Variants in FAM13A observed in about 807,000 individuals in gnomAD.
The protein encoded by FAM13A is protein FAM13A.
FAM13A carries 76 observed loss-of-function variants against 129.6 expected under a neutral mutation model. The ratio of observed to expected loss-of-function variants is 0.59; its 90% CI spans 0.49 to 0.71. FAM13A has a LOEUF of 0.71. Ranked by LOEUF, FAM13A falls within the 30% of genes least tolerant of loss-of-function variation. The pLI is 0.00. For synonymous variants in FAM13A, 443 were observed against 449.9 expected (o/e 0.98, Z 0.20); for missense variants, 1,108 against 1,249.3 (o/e 0.89, Z 1.70).
Position 88,816,371 on chromosome 4 carries a change from C to T in FAM13A, c.1008-11319G>A, listed in dbSNP as rs566828685. Among the ~76,000 whole-genome samples the T allele has an allele frequency of 3.3e-5, 5 of 152,212 alleles. No homozygotes were observed. The South Asian group carries it at 1.0e-3, about 32-fold the overall frequency. On this transcript the variant is annotated intron_variant, in intron 7 of 23. Transcript: ENST00000264344. ...TGCAATTTTTTAGTATAAGAATATTCCTAGCAATTTATATGGAAAGCTTTA... is the reference window on the plus strand; with the variant it reads ...TGCAATTTTTTAGTATAAGAATATTTCTAGCAATTTATATGGAAAGCTTTA...
chr4:88,983,306 T>C (rs987575773), intron 4 of FAM13A, among the ~76,000 whole-genome samples: 17 of 152,094 alleles, frequency 1.1e-4, no homozygotes, highest in African/African-American at 3.9e-4. Flanking sequence ...AGTGTGATTA[T>C]GATGGATAAA....
intron 1 of FAM13A, among the ~76,000 whole-genome samples, chr4:89,034,420 A>G (rs1560893835): frequency 1.3e-5 from 2 of 152,290 alleles, no homozygotes; most frequent in Non-Finnish European, 2.9e-5. Context: ...AAGTCAAAAA[A>G]CAACAGATGT....
chr4:88,799,650 A>C (rs1727017155), intron 8 of FAM13A, among the ~76,000 whole-genome samples: 1 of 152,120 alleles, frequency 6.6e-6, no homozygotes, highest in African/African-American at 2.4e-5. Flanking sequence ...ATGCACGGCT[A>C]ATTTTTTGTA....
chr4:88,919,717 A>T (rs1273819395), intron 5 of FAM13A, among the ~76,000 whole-genome samples: 1 of 152,192 alleles, frequency 6.6e-6, no homozygotes, highest in Non-Finnish European at 1.5e-5. Context: ...GGTGCAGCAC[A>T]CCATGCGCGA....
intron 4 of FAM13A, among the ~76,000 whole-genome samples, chr4:88,981,484 G>A (rs1761659884): frequency 6.6e-6 from 1 of 152,112 alleles, no homozygotes; most frequent in Non-Finnish European, 1.5e-5. Context: ...TATTCTTAAA[G>A]TATAAAATCT....
intron 6 of FAM13A, among the ~76,000 whole-genome samples, chr4:88,876,176 G>T (rs999105856): frequency 6.6e-5 from 10 of 152,098 alleles, no homozygotes; most frequent in African/African-American, 2.4e-4. Context: ...AGCATTAGGA[G>T]AAATACCTAA....
At chr4:88,845,962 C>T (rs1736575322) in intron 7 of FAM13A, among the ~76,000 whole-genome samples, 1 of 152,104 alleles carries the variant, frequency 6.6e-6, no homozygotes, top group African/African-American at 2.4e-5. Flanking sequence ...TAAGAACACA[C>T]CTGTAACATA....
intron 6 of FAM13A, among the ~76,000 whole-genome samples, chr4:88,899,840 C>A (rs1214826036): frequency 6.6e-6 from 1 of 152,014 alleles, no homozygotes; most frequent in Admixed American, 6.6e-5. Flanking sequence ...CTTCACTGAG[C>A]TAAAGGAGCA....
At chr4:88,795,861 AT>A (rs1434344841) in intron 8 of FAM13A, among the ~76,000 whole-genome samples, 1 of 151,806 alleles carries the variant, frequency 6.6e-6, no homozygotes, top group African/African-American at 2.4e-5. Flanking sequence ...TGCATGATGT[AT>A]TCTCTAATCT....
intron 7 of FAM13A, among the ~76,000 whole-genome samples, chr4:88,827,647 T>A (rs1172198009): frequency 6.6e-6 from 1 of 152,190 alleles, no homozygotes; most frequent in Non-Finnish European, 1.5e-5. Flanking sequence ...CCATGAGTCA[T>A]CTTTACTCCT....
chr4:88,750,932 G>C (rs1304650150), intron 14 of FAM13A, among the ~76,000 whole-genome samples: 1 of 152,166 alleles, frequency 6.6e-6, no homozygotes, highest in Non-Finnish European at 1.5e-5. Context: ...GTCAATTAGT[G>C]ATAAAAACTC....
At chr4:88,793,325 G>A (rs1461029674) in intron 8 of FAM13A, among the ~76,000 whole-genome samples, 1 of 151,964 alleles carries the variant, frequency 6.6e-6, no homozygotes, top group Non-Finnish European at 1.5e-5. Context: ...ATCAGTTGTA[G>A]AGCACATTTC....
At chr4:88,780,188 GA>G (rs982246099) in intron 11 of FAM13A, among the ~76,000 whole-genome samples, 96 of 151,972 alleles carry the variant, frequency 6.3e-4, no homozygotes, top group East Asian at 3.1e-3. Context: ...ATTATGGGGG[GA>G]AAAAAATCCT....
chr4:89,052,417 T>A (rs1039013433), intron 1 of FAM13A, among the ~76,000 whole-genome samples: 1 of 150,964 alleles, frequency 6.6e-6, no homozygotes, highest in South Asian at 2.1e-4. Context: ...CATTAACTCA[T>A]CATTTAGCAT....
intron 5 of FAM13A, among the ~76,000 whole-genome samples, chr4:88,921,169 G>A (rs1192766462): frequency 3.3e-5 from 5 of 151,998 alleles, no homozygotes; most frequent in Non-Finnish European, 7.4e-5. Context: ...TAGCAAGGCA[G>A]GCCAACATTC....
At chr4:88,851,828 C>G (rs1318007398) in intron 6 of FAM13A, among the ~76,000 whole-genome samples, 2 of 152,224 alleles carry the variant, frequency 1.3e-5, no homozygotes, top group Non-Finnish European at 2.9e-5. Context: ...ACTTCTCAGA[C>G]TGTGTCTGAA....
intron 7 of FAM13A, among the ~76,000 whole-genome samples, chr4:88,833,362 G>A (rs147669671): frequency 2.8e-4 from 42 of 151,980 alleles, no homozygotes; most frequent in East Asian, 9.7e-4. Context: ...ACATGTACCC[G>A]GAACTTAAAA....
At chr4:88,755,935 G>A (rs1359455399) in intron 14 of FAM13A, among the ~76,000 whole-genome samples, 2 of 152,172 alleles carry the variant, frequency 1.3e-5, no homozygotes, top group African/African-American at 4.8e-5. Flanking sequence ...GACTACAGGC[G>A]CATACCACCA....
intron 4 of FAM13A, among the ~76,000 whole-genome samples, chr4:88,947,155 T>A (rs1027007610): frequency 2.6e-5 from 4 of 152,124 alleles, no homozygotes; most frequent in African/African-American, 9.7e-5. Flanking sequence ...ATGCCTGTAA[T>A]CCCAGCACTT....
Sources: allele counts gnomAD v4.1 joint callset (sites outside exome capture counted in the v4.1 genomes callset), GRCh38; gene constraint gnomAD v4.1.1; transcripts MANE v1.5; gene names NCBI Gene and HGNC (gene_info 2026-07-23, HGNC 2026-07-21).